The following RANBP17 variants were observed in gnomAD, a reference collection of about 807,000 sequenced individuals.
RANBP17 encodes the protein RAN binding protein 17.
A neutral mutation model predicts 141.2 loss-of-function variants in RANBP17; 158 were observed. That is an observed-to-expected ratio of 1.12 (90% CI 0.98 to 1.28). The LOEUF (loss-of-function observed/expected upper bound fraction) is 1.28, where lower values mean the gene tolerates loss of function less well. Among genes scored for constraint, RANBP17 ranks in the 50% most tolerant of loss-of-function variants. RANBP17 has a pLI of 0.00. For missense variants in RANBP17, 1,438 were observed against 1,290.7 expected, an observed-to-expected ratio of 1.11 and a Z score of -1.75; for synonymous variants, 430 against 450.0, an observed-to-expected ratio of 0.96 and a Z score of 0.56.
intron 20 of RANBP17, among the ~76,000 whole-genome samples, chr5:171,212,867 G>C (rs1406412304): frequency 6.6e-6 from 1 of 152,174 alleles, no homozygotes; most frequent in Non-Finnish European, 1.5e-5. Context: ...AAATTAAAGG[G>C]CCAGTGGAGC....
In RANBP17 at chr5:170,977,697, G is replaced by A. The variant is rs187222521; in HGVS notation, c.1710+9320G>A. 3.3e-5 allele frequency among the ~76,000 whole-genome samples: 5 copies of A among 152,150 alleles called. No homozygotes were observed. The East Asian group carries it at 9.6e-4, about 29-fold the overall frequency. On this transcript the variant is annotated intron_variant, in intron 14 of 27. Coordinates refer to ENST00000523189, the MANE Select transcript of RANBP17 (RefSeq NM_022897.5). ...GAAGTACTGATAGATGCCGTAACAA[G>A]TATGATAATTGAAAACATTACGCTA...
chr5:171,184,633 G>A (rs984421284), intron 18 of RANBP17, among the ~76,000 whole-genome samples: 18 of 152,130 alleles, frequency 1.2e-4, no homozygotes, highest in Admixed American at 3.3e-4. Context: ...CCACAAAAAT[G>A]GTAACTATAG....
intron 14 of RANBP17, among the ~76,000 whole-genome samples, chr5:171,056,369 G>A (rs1228475914): frequency 6.6e-6 from 1 of 152,106 alleles, no homozygotes; most frequent in East Asian, 1.9e-4. Flanking sequence ...ACAATCGTTT[G>A]TGAATGACAA....
intron 19 of RANBP17, among the ~76,000 whole-genome samples, chr5:171,203,080 A>T (rs141083752): frequency 6.6e-6 from 1 of 152,142 alleles, no homozygotes; most frequent in African/African-American, 2.4e-5. Context: ...AAAGGAATCC[A>T]TAGGGTTAGA....
At chr5:171,092,624 C>G (rs1458303560) in intron 14 of RANBP17, among the ~76,000 whole-genome samples, 1 of 152,180 alleles carries the variant, frequency 6.6e-6, no homozygotes, top group Non-Finnish European at 1.5e-5. Flanking sequence ...TTCTATCTAT[C>G]TGGAGAAATT....
intron 14 of RANBP17, among the ~76,000 whole-genome samples, chr5:171,033,541 G>C (rs1157228515): frequency 6.6e-6 from 1 of 151,978 alleles, no homozygotes; most frequent in African/African-American, 2.4e-5. Context: ...TTGTTGCTTT[G>C]GCTAAAAATT....
intron 1 of RANBP17, among the ~76,000 whole-genome samples, chr5:170,873,570 G>A (rs1295503251): frequency 1.3e-5 from 2 of 152,122 alleles, no homozygotes; most frequent in Non-Finnish European, 2.9e-5. Context: ...GTTTAGTGTT[G>A]TGAGGGTGTA....
At chr5:171,252,831 T>C in intron 24 of RANBP17, 4 of 1,237,040 alleles carry the variant, frequency 3.2e-6, no homozygotes, top group Non-Finnish European at 3.6e-6. Flanking sequence ...GCCATTGTAT[T>C]GTAATAGTTA....
At chr5:171,004,341 T>C (rs1318850208) in intron 14 of RANBP17, among the ~76,000 whole-genome samples, 1 of 152,042 alleles carries the variant, frequency 6.6e-6, no homozygotes, top group Non-Finnish European at 1.5e-5. Context: ...GGGAAGCAGA[T>C]AATTCGGTTA....
chr5:171,232,673 C>T lies in RANBP17; in HGVS notation c.2423-8255C>T, dbSNP rs983376456. Among the ~76,000 whole-genome samples the T allele has an allele frequency of 5.3e-5, 8 of 152,046 alleles. No homozygotes were observed. In the South Asian group the frequency reaches 8.3e-4, roughly 16 times the overall value. On this transcript the variant is annotated intron_variant, in intron 22 of 27. Coordinates refer to ENST00000523189, the MANE Select transcript of RANBP17 (RefSeq NM_022897.5). ...CATTATTAACAGTTTAGTGTATGTG[C>T]CCTTCTATGCTTTTTATGTGTACAT...
chr5:170,954,153 A>G (rs950514309), intron 13 of RANBP17, among the ~76,000 whole-genome samples: 5 of 152,204 alleles, frequency 3.3e-5, no homozygotes, highest in Admixed American at 6.5e-5. Context: ...GAAAATTTCT[A>G]TATATGAATA....
At chr5:170,899,275 T>C (rs1296674093) in intron 5 of RANBP17, among the ~76,000 whole-genome samples, 1 of 152,214 alleles carries the variant, frequency 6.6e-6, no homozygotes, top group African/African-American at 2.4e-5. Flanking sequence ...TTATTCTCTT[T>C]GTATCAATTG....
intron 22 of RANBP17, among the ~76,000 whole-genome samples, chr5:171,226,406 C>T (rs1169151359): frequency 6.6e-6 from 1 of 152,016 alleles, no homozygotes. Flanking sequence ...TTTAAGAACG[C>T]AATATATAAA....
At chr5:170,954,544 ACC>A (rs1554141006) in intron 13 of RANBP17, among the ~76,000 whole-genome samples, 2 of 125,374 alleles carry the variant, frequency 1.6e-5, no homozygotes, top group Admixed American at 7.9e-5. Context: ...ACACACACAC[ACC>A]CCAACCCCAC....
intron 16 of RANBP17, among the ~76,000 whole-genome samples, chr5:171,178,781 G>A (rs978884057): frequency 4.6e-5 from 7 of 152,126 alleles, no homozygotes; most frequent in African/African-American, 1.7e-4. Flanking sequence ...GTAATGATAA[G>A]CTTTTTTTCA....
intron 14 of RANBP17, among the ~76,000 whole-genome samples, chr5:170,987,550 A>C (rs1252336581): frequency 6.6e-6 from 1 of 151,666 alleles, no homozygotes; most frequent in Non-Finnish European, 1.5e-5. Flanking sequence ...TTAAAAAAAA[A>C]ATAATTTCTC....
chr5:171,198,921 C>G (rs767286883), intron 18 of RANBP17, among the ~76,000 whole-genome samples: 13 of 152,096 alleles, frequency 8.5e-5, no homozygotes, highest in Non-Finnish European at 1.8e-4. Context: ...TTAAAAGAAA[C>G]CCCTTTTGAA....
chr5:171,030,149 T>G (rs1781467912), intron 14 of RANBP17, among the ~76,000 whole-genome samples: 1 of 152,062 alleles, frequency 6.6e-6, no homozygotes, highest in Non-Finnish European at 1.5e-5. Context: ...CCTCTGAAAT[T>G]TTTCCAACCA....
At chr5:171,075,532 G>A (rs370168498) in intron 14 of RANBP17, among the ~76,000 whole-genome samples, 4 of 152,306 alleles carry the variant, frequency 2.6e-5, no homozygotes, top group Admixed American at 2.6e-4. Flanking sequence ...ATTGCCAAGG[G>A]CTGGATACAG....
Sources: gnomAD v4.1 joint callset for allele counts (sites outside exome capture counted in the v4.1 genomes callset) on GRCh38, gnomAD v4.1.1 for gene constraint, MANE v1.5 for transcripts, NCBI Gene and HGNC (gene_info 2026-07-23, HGNC 2026-07-21) for gene names.